The following DYNLT2 variants were observed in gnomAD, a reference collection of about 807,000 sequenced individuals.
DYNLT2 encodes the protein dynein light chain Tctex-type 2.
A neutral mutation model predicts 24.3 loss-of-function variants in DYNLT2; 24 were observed. The observed-to-expected ratio is 0.99, with a 90% CI of 0.71 to 1.39. DYNLT2 has a LOEUF of 1.39. Ranked by LOEUF, DYNLT2 falls within the 40% of genes most tolerant of loss-of-function variation. The pLI, the probability that DYNLT2 is intolerant of heterozygous loss-of-function variation, is 0.00. For missense variants in DYNLT2, 246 were observed against 234.5 expected (o/e 1.05, Z -0.32); for synonymous variants, 85 against 85.4 (o/e 1.00, Z 0.03).
intron 1 of DYNLT2, among the ~76,000 whole-genome samples, chr6:169,747,711 ACT>A (rs1287622259): frequency 1.3e-5 from 2 of 152,038 alleles, no homozygotes; most frequent in Non-Finnish European, 2.9e-5. Flanking sequence ...AAAACTAATA[ACT>A]CTCTTAACTA....
downstream of DYNLT2, among the ~76,000 whole-genome samples, chr6:169,738,377 G>A (rs1019656346): frequency 6.6e-5 from 10 of 152,242 alleles, no homozygotes; most frequent in Non-Finnish European, 1.3e-4. Flanking sequence ...GAGGCTGTAC[G>A]AATCTGCGCG....
At chr6:169,741,647 A>G (rs934909595) in intron 3 of DYNLT2, among the ~76,000 whole-genome samples, 1 of 152,116 alleles carries the variant, frequency 6.6e-6, no homozygotes, top group African/African-American at 2.4e-5. Flanking sequence ...CACTTGTTAC[A>G]TATCAAGCAC....
chr6:169,751,412 G>C lies in DYNLT2; in HGVS notation c.47C>G (p.Pro16Arg), dbSNP rs752660634. ...RGVKSSPIQT[P>R]NQTPQQAPVT... ...CGGAGCCTGCTGAGGGGTCTGGTTC[G>C]GGGTCTGGATGGGGCTCGACTTCAC... is the stretch of plus-strand genomic sequence containing the variant. The change falls in exon 1 of 4, where the codon CCG (proline) becomes CGG (arginine). Residue 16 changes from proline (P) to arginine (R), a missense_variant. Coordinates refer to ENST00000366774, the MANE Select transcript of DYNLT2 (RefSeq NM_174910.3). 6.2e-7 allele frequency: 1 copy of C among 1,614,166 alleles called. No individual in the cohort carries two copies. Among genetic ancestry groups the C allele is most frequent in the Non-Finnish European group, 8.5e-7 (1 of 1,180,032 alleles).
chr6:169,743,133 A>T lies in DYNLT2; in HGVS notation c.433T>A (p.Tyr145Asn). Residue 145 changes from tyrosine to asparagine, a missense_variant, in exon 3 of 4, where the codon TAT (tyrosine) becomes AAT (asparagine). Physicochemically the swap from Tyr to Asn is moderately radical, Grantham distance 143. Coordinates refer to ENST00000366774, the MANE Select transcript of DYNLT2 (RefSeq NM_174910.3). The stretch of plus-strand genomic sequence containing the variant: ...AATAATACTTTTATAATGAACTTAT[A>T]ACGGTGGTACCCAAATTCTTTGACT... ...LAVKEFGYHRYKFIIKVLFIQ... is the reference protein window; with the variant it reads ...LAVKEFGYHRNKFIIKVLFIQ... 6.3e-7 allele frequency: 1 copy of T among 1,580,816 alleles called. No homozygotes were observed. Among genetic ancestry groups the T allele is most frequent in the Non-Finnish European group, 8.6e-7 (1 of 1,158,278 alleles).
the DYNLT2 span, among the ~76,000 whole-genome samples, chr6:169,729,425 C>A: frequency 6.6e-6 from 1 of 152,026 alleles, no homozygotes. Context: ...TTGGCCAATT[C>A]CCTTTTAATG....
In DYNLT2 at chr6:169,751,337, A is replaced by G. The variant is rs1455763851; in HGVS notation, c.120+2T>C. 6.2e-7 allele frequency: 1 copy of G among 1,613,538 alleles called. No homozygotes were observed. The highest frequency in any genetic ancestry group is 1.3e-5 in the African/African-American group (1 of 74,924). ...CGGGCCCCTAGCAGTCTCCGCACTCACTGCCTCCTTCTCGAACATGCTAGG... is the reference window on the plus strand; with the variant it reads ...CGGGCCCCTAGCAGTCTCCGCACTCGCTGCCTCCTTCTCGAACATGCTAGG... On this transcript the variant is annotated splice_donor_variant, in intron 1 of 3. Transcript: ENST00000366774. LOFTEE classifies it high-confidence loss of function.
At chr6:169,733,152 T>A in the DYNLT2 span, among the ~76,000 whole-genome samples, 3 of 151,994 alleles carry the variant, frequency 2.0e-5, no homozygotes, top group Admixed American at 6.6e-5. Context: ...TTCTTGTAAA[T>A]ATGTTTAAGT....
At chr6:169,725,654 A>AG in the DYNLT2 span, 1 of 214,312 alleles carries the variant, frequency 4.7e-6, no homozygotes, top group African/African-American at 2.3e-5. Flanking sequence ...AAGAAAAAAA[A>AG]CAAAAACAAA....
rs760454864 is a variant in DYNLT2 at position 169,751,470 on chromosome 6, CT to C, written c.-13del. ...CCTCGCTTCTCCATCTCGCTCTGTT[CT>C]CCAAGACGCCCACCGCCTCCCCTTC... On this transcript the variant is annotated 5_prime_UTR_variant, in exon 1 of 4. Transcript: ENST00000366774. 5.6e-6 allele frequency: 9 copies of C among 1,612,922 alleles called. No homozygotes were observed. The highest frequency in any genetic ancestry group is 7.6e-6 in the Non-Finnish European group (9 of 1,179,520).
At chr6:169,739,217 T>TC (rs1485123252), downstream of DYNLT2, among the ~76,000 whole-genome samples, 1 of 151,316 alleles carries the variant, frequency 6.6e-6, no homozygotes, top group East Asian at 1.9e-4. Context: ...CCTTTTTTTT[T>TC]TTTTTTTTTT....
At chr6:169,738,713 G>A (rs116602090), downstream of DYNLT2, 2,540 of 152,492 alleles carry the variant, frequency 0.017, 48 homozygotes, top group African/African-American at 0.043. Flanking sequence ...ACATGGTGCT[G>A]CTTCTAGTCG....
At chr6:169,748,081 G>A (rs1043677177) in intron 1 of DYNLT2, among the ~76,000 whole-genome samples, 3 of 152,112 alleles carry the variant, frequency 2.0e-5, no homozygotes, top group Admixed American at 2.0e-4. Flanking sequence ...TTTTTCTGGT[G>A]GGAACATGTC....
the DYNLT2 span, among the ~76,000 whole-genome samples, chr6:169,733,443 A>G: frequency 6.6e-6 from 1 of 152,190 alleles, no homozygotes; most frequent in East Asian, 1.9e-4. Context: ...TCTTTAATCC[A>G]TCTTAAGTTA....
At chr6:169,737,589 G>A (rs7757103), downstream of DYNLT2, among the ~76,000 whole-genome samples, 400 of 152,182 alleles carry the variant, frequency 2.6e-3, 3 homozygotes, top group African/African-American at 9.1e-3. Flanking sequence ...GGCTGCTGCA[G>A]TTTGCTGGGG....
rs1399333958 is a variant in DYNLT2 at position 169,744,179 on chromosome 6, T to C, written c.216A>G (p.Lys72=). ...PFDDSIADIG[K]EWKSALAKLK... is the part of the protein sequence containing the mutation. ...ATTTTGCCAGGGCACTCTTCCATTCTTTACCTATATCAGCAATTGAGTCAT... is the reference window on the plus strand; with the variant it reads ...ATTTTGCCAGGGCACTCTTCCATTCCTTACCTATATCAGCAATTGAGTCAT... The change falls in exon 2 of 4, where the codon AAA becomes AAG. Residue 72 remains lysine (K), a synonymous_variant. Transcript: ENST00000366774. The C allele has an allele frequency of 1.9e-6, 3 of 1,613,636 alleles. No homozygotes were observed. Among genetic ancestry groups the C allele is most frequent in the Non-Finnish European group, 2.5e-6 (3 of 1,180,000 alleles).
the DYNLT2 span, among the ~76,000 whole-genome samples, chr6:169,732,343 G>A: frequency 1.3e-5 from 2 of 152,110 alleles, no homozygotes; most frequent in Non-Finnish European, 1.5e-5. Context: ...AAAAAAATGG[G>A]ATACATGTGC....
At chr6:169,735,541 C>T (rs151072070), downstream of DYNLT2, among the ~76,000 whole-genome samples, 495 of 152,242 alleles carry the variant, frequency 3.3e-3, 10 homozygotes, top group African/African-American at 0.012. Context: ...TCATTATTTA[C>T]CCAGGAGTCA....
In DYNLT2 at chr6:169,751,464, T is replaced by C; in HGVS notation, c.-6A>G. ...CCTCGGCCTCGCTTCTCCATCTCGC[T>C]CTGTTCTCCAAGACGCCCACCGCCT... is the stretch of plus-strand genomic sequence containing the variant. On this transcript the variant is annotated 5_prime_UTR_variant, in exon 1 of 4. Transcript: ENST00000366774. The C allele has an allele frequency of 1.2e-6, 2 of 1,613,646 alleles. No homozygotes were observed. Among genetic ancestry groups the C allele is most frequent in the African/African-American group, 1.3e-5 (1 of 75,036 alleles).
chr6:169,751,244 T>C, intron 1 of DYNLT2, 95 bp downstream of exon 1: 2 of 1,512,046 alleles, frequency 1.3e-6, no homozygotes, highest in South Asian at 1.3e-5. Context: ...TCCTTGGCTC[T>C]GGGGGTGGTG....
Sources: allele counts gnomAD v4.1 joint callset (sites outside exome capture counted in the v4.1 genomes callset), GRCh38; gene constraint gnomAD v4.1.1; transcripts MANE v1.5; gene names NCBI Gene and HGNC (gene_info 2026-07-23, HGNC 2026-07-21).